UBE3D: variants seen among roughly 807,000 people sequenced by gnomAD.
The protein encoded by UBE3D is ubiquitin protein ligase E3D, also known as E3 ubiquitin-protein ligase E3D.
UBE3D carries 48 observed loss-of-function variants against 49.6 expected under a neutral mutation model. The observed-to-expected ratio is 0.97, with a 90% CI of 0.77 to 1.23. The LOEUF (loss-of-function observed/expected upper bound fraction) is 1.23. Ranked by LOEUF, UBE3D falls within the 50% of genes most tolerant of loss-of-function variation. The pLI, the probability that UBE3D is intolerant of heterozygous loss-of-function variation, is 0.00. For missense variants in UBE3D, 452 were observed against 468.4 expected (o/e 0.96, Z 0.32); for synonymous variants, 189 against 174.2 (o/e 1.08, Z -0.67).
chr6:82,969,482 C>A (rs1407721699), intron 8 of UBE3D, among the ~76,000 whole-genome samples: 1 of 152,080 alleles, frequency 6.6e-6, no homozygotes, highest in African/African-American at 2.4e-5. Flanking sequence ...GTGGCACATG[C>A]CTGTGGGCTC....
At chr6:83,034,890 G>GA (rs1276564908) in intron 5 of UBE3D, among the ~76,000 whole-genome samples, 4 of 151,252 alleles carry the variant, frequency 2.6e-5, no homozygotes, top group Non-Finnish European at 5.9e-5. Context: ...TAAAAAAAAA[G>GA]AAAAAAAATC....
At chr6:83,059,371 A>G (rs1235906665) in intron 1 of UBE3D, among the ~76,000 whole-genome samples, 2 of 152,348 alleles carry the variant, frequency 1.3e-5, no homozygotes, top group Middle Eastern at 3.4e-3. Context: ...GCGACAGATC[A>G]AGAACCTGTC....
intron 8 of UBE3D, among the ~76,000 whole-genome samples, chr6:82,975,952 T>C (rs531451720): frequency 6.6e-6 from 1 of 152,296 alleles, no homozygotes; most frequent in South Asian, 2.1e-4. Flanking sequence ...TCTGAGTAGG[T>C]ATAATATCTA....
chr6:82,941,583 T>C (rs1341022540), intron 9 of UBE3D, among the ~76,000 whole-genome samples: 2 of 152,158 alleles, frequency 1.3e-5, no homozygotes, highest in Non-Finnish European at 2.9e-5. Flanking sequence ...TTTTAAGTTC[T>C]TCAGTAATAC....
chr6:82,886,608 A>C, the UBE3D span, among the ~76,000 whole-genome samples: 6 of 152,328 alleles, frequency 3.9e-5, no homozygotes, highest in African/African-American at 1.4e-4. Flanking sequence ...AATTGCCAGG[A>C]GCAATTGTCA....
chr6:82,918,289 AC>A (rs201378395), intron 9 of UBE3D, among the ~76,000 whole-genome samples: 159 of 149,452 alleles, frequency 1.1e-3, no homozygotes, highest in Non-Finnish European at 1.5e-3. Context: ...AACAACAACA[AC>A]AAAAAAAAAA....
At chr6:83,059,638 A>G (rs912022061) in intron 1 of UBE3D, among the ~76,000 whole-genome samples, 5 of 152,216 alleles carry the variant, frequency 3.3e-5, no homozygotes, top group Non-Finnish European at 7.4e-5. Context: ...ATTTCTTCCC[A>G]GTCCCAAAAA....
At chr6:82,988,807 TA>T (rs1778695433) in intron 8 of UBE3D, among the ~76,000 whole-genome samples, 1 of 150,408 alleles carries the variant, frequency 6.6e-6, no homozygotes, top group African/African-American at 2.4e-5. Flanking sequence ...TAGTTGAACC[TA>T]AGGTACAAAG....
chr6:82,890,326 A>G (rs757632205), downstream of UBE3D, among the ~76,000 whole-genome samples: 22 of 152,098 alleles, frequency 1.4e-4, no homozygotes, highest in Non-Finnish European at 2.9e-4. Flanking sequence ...TTCATGCCCT[A>G]TAGCCCCAAA....
At chr6:82,921,710 A>G (rs968820209) in intron 9 of UBE3D, among the ~76,000 whole-genome samples, 3 of 152,082 alleles carry the variant, frequency 2.0e-5, no homozygotes, top group African/African-American at 4.8e-5. Flanking sequence ...CACACTATTT[A>G]TGGGGCCTCA....
chr6:83,055,488 AAGGAGACCT>A, intron 2 of UBE3D, among the ~76,000 whole-genome samples: 1 of 152,372 alleles, frequency 6.6e-6, no homozygotes. Flanking sequence ...AGCAGATTAA[AAGGAGACCT>A]AGGAATCCAA....
At chr6:83,041,217 CCTTT>C (rs1215678770) in intron 4 of UBE3D, among the ~76,000 whole-genome samples, 2 of 151,910 alleles carry the variant, frequency 1.3e-5, no homozygotes, top group African/African-American at 4.8e-5. Flanking sequence ...ATATGTACTT[CCTTT>C]GTAACTGCCA....
intron 5 of UBE3D, among the ~76,000 whole-genome samples, chr6:83,025,495 GCTTA>G (rs1781391380): frequency 6.6e-6 from 1 of 151,872 alleles, no homozygotes; most frequent in Non-Finnish European, 1.5e-5. Context: ...TGCTGGATAC[GCTTA>G]TTTATATAGA....
At chr6:82,972,204 C>T (rs1291780776) in intron 8 of UBE3D, among the ~76,000 whole-genome samples, 2 of 152,200 alleles carry the variant, frequency 1.3e-5, no homozygotes, top group Admixed American at 1.3e-4. Flanking sequence ...TATACCTCTT[C>T]CCAAGTCTAT....
intron 8 of UBE3D, among the ~76,000 whole-genome samples, chr6:82,975,636 A>G (rs2127712256): frequency 6.6e-6 from 1 of 152,290 alleles, no homozygotes; most frequent in Middle Eastern, 3.4e-3. Flanking sequence ...TAAAATATGG[A>G]TTAACATTAC....
At chr6:83,033,017 C>G (rs1781990837) in intron 5 of UBE3D, among the ~76,000 whole-genome samples, 1 of 152,190 alleles carries the variant, frequency 6.6e-6, no homozygotes, top group African/African-American at 2.4e-5. Flanking sequence ...CAGACTAATA[C>G]AGTTTCATTG....
chr6:83,031,016 CT>C (rs535918548), intron 5 of UBE3D, among the ~76,000 whole-genome samples: 11 of 150,892 alleles, frequency 7.3e-5, no homozygotes, highest in African/African-American at 9.7e-5. Flanking sequence ...AAATTTCTTC[CT>C]TTTTTTTTGA....
intron 8 of UBE3D, among the ~76,000 whole-genome samples, chr6:82,983,221 T>C (rs1415291987): frequency 6.6e-6 from 1 of 151,946 alleles, no homozygotes; most frequent in Non-Finnish European, 1.5e-5. Flanking sequence ...ATATATGTTG[T>C]TTTGTCCTTA....
At chr6:83,024,840 G>A (rs902718947) in intron 5 of UBE3D, among the ~76,000 whole-genome samples, 12 of 152,066 alleles carry the variant, frequency 7.9e-5, no homozygotes, top group South Asian at 6.2e-4. Flanking sequence ...AAAGATTAAC[G>A]GTATAAATTT....
Sources: gnomAD v4.1 joint callset for allele counts (sites outside exome capture counted in the v4.1 genomes callset) on GRCh38, gnomAD v4.1.1 for gene constraint, MANE v1.5 for transcripts, NCBI Gene and HGNC (gene_info 2026-07-23, HGNC 2026-07-21) for gene names.